Variants in EIF4E3 observed in about 807,000 individuals in gnomAD.
EIF4E3 encodes eukaryotic translation initiation factor 4E family member 3, also known as eukaryotic translation initiation factor 4E type 3.
EIF4E3 carries 26 observed loss-of-function variants against 31.7 expected under a neutral mutation model. That is an observed-to-expected ratio of 0.82 (90% confidence interval 0.60 to 1.14). The LOEUF (loss-of-function observed/expected upper bound fraction) is 1.14, where lower values mean the gene tolerates loss of function less well. EIF4E3 is among the 50% of genes most tolerant of loss of function. The pLI is 0.00. For synonymous variants in EIF4E3, 128 were observed against 107.7 expected, an observed-to-expected ratio of 1.19 and a Z score of -1.17; for missense variants, 304 against 270.9, an observed-to-expected ratio of 1.12 and a Z score of -0.86.
intron 1 of EIF4E3, among the ~76,000 whole-genome samples, chr3:71,749,547 C>T (rs1317714251): frequency 2.0e-5 from 3 of 152,208 alleles, no homozygotes. Flanking sequence ...ACAGGATACA[C>T]TGGCCAGACT....
At chr3:71,736,442 C>A (rs2049764229) in intron 1 of EIF4E3, among the ~76,000 whole-genome samples, 1 of 152,308 alleles carries the variant, frequency 6.6e-6, no homozygotes, top group South Asian at 2.1e-4. Flanking sequence ...AACTATGGTA[C>A]ATCCAGACAA....
upstream of EIF4E3, among the ~76,000 whole-genome samples, chr3:71,726,732 G>A (rs910386531): frequency 1.3e-5 from 2 of 152,166 alleles, no homozygotes; most frequent in Non-Finnish European, 2.9e-5. Context: ...CACATAAAGT[G>A]ACAATAATAA....
upstream of EIF4E3, chr3:71,754,082 C>A: frequency 7.5e-7 from 1 of 1,324,788 alleles, no homozygotes; most frequent in Non-Finnish European, 9.7e-7. This position sits in a 1 kb window ranked among gnomAD's most constrained non-coding sequence, Gnocchi z 5.8. Context: ...GTGGCAGCGG[C>A]GGCGGCGAGG....
chr3:71,751,160 G>A (rs2049925467), intron 1 of EIF4E3, among the ~76,000 whole-genome samples: 1 of 152,120 alleles, frequency 6.6e-6, no homozygotes, highest in Non-Finnish European at 1.5e-5. Flanking sequence ...CTGAGCCTGG[G>A]AGGTTGAGGC....
At chr3:71,733,340 T>G (rs2049727101) in intron 1 of EIF4E3, among the ~76,000 whole-genome samples, 2 of 152,228 alleles carry the variant, frequency 1.3e-5, no homozygotes, top group Non-Finnish European at 2.9e-5. Context: ...GTCATTTGTT[T>G]ACATCTAAGA....
intron 5 of EIF4E3, 62 bp from the exon 6 acceptor site, chr3:71,690,227 T>G: frequency 6.7e-7 from 1 of 1,482,688 alleles, no homozygotes; most frequent in Non-Finnish European, 9.0e-7. Context: ...TGACTGTTTC[T>G]AAGAACTTAG....
At chr3:71,689,874 A>T (rs1578335665) in intron 6 of EIF4E3, 136 bp downstream of exon 6, 8 of 829,360 alleles carry the variant, frequency 9.6e-6, no homozygotes, top group East Asian at 3.3e-5. Context: ...AAAAACTTAA[A>T]TGTATTTTGT....
chr3:71,693,612 A>C lies in EIF4E3; in HGVS notation c.472+263T>G, dbSNP rs372007548. Among the ~76,000 whole-genome samples the C allele has an allele frequency of 3.5e-4, 54 of 152,330 alleles. 1 individual carries two copies. Among genetic ancestry groups the C allele is most frequent in the African/African-American group, 1.2e-3 (50 of 41,556 alleles). ...AGATGGTTATAGATACTATTAAATT[A>C]AGCTAAGAGGGAAAAATATACATGA... On this transcript the variant is annotated intron_variant, in intron 5 of 6. Transcript: ENST00000425534.
rs2049619928 is a variant in EIF4E3 at position 71,725,364 on chromosome 3, C to A, written c.4G>T (p.Ala2Ser). M[A>S]LPPAAAPPAG... ...GGGGGCGCGGCGGCCGGGGGCAGCG[C>A]CATTTTCTCCGCCCCGCCTGCAAGG... Residue 2 changes from alanine to serine, a missense_variant, in exon 1 of 7, where the codon GCG (alanine) becomes TCG (serine). Ala to Ser is a moderately conservative substitution (Grantham distance 99). Transcript: ENST00000425534. This position sits in a 1 kb window ranked among gnomAD's most constrained non-coding sequence, Gnocchi z 6.1. 1.0e-6 allele frequency: 1 copy of A among 977,670 alleles called. No homozygotes were observed. The highest frequency in any genetic ancestry group is 1.2e-6 in the Non-Finnish European group (1 of 825,984). The allele number at this position is 977,670 out of a possible 1,614,324, so 60.6% of individuals were successfully genotyped here.
intron 1 of EIF4E3, among the ~76,000 whole-genome samples, chr3:71,723,937 G>C (rs1163195591): frequency 6.6e-6 from 1 of 151,914 alleles, no homozygotes; most frequent in Non-Finnish European, 1.5e-5. Context: ...TCTTATAGAC[G>C]GGTGCTATAA....
chr3:71,754,448 C>A, upstream of EIF4E3: 1 of 1,341,162 alleles, frequency 7.5e-7, no homozygotes, highest in South Asian at 1.8e-5. This position sits in a 1 kb window ranked among gnomAD's most constrained non-coding sequence, Gnocchi z 5.8. Context: ...ATGCAGAGCG[C>A]CTGGCCGGCT....
chr3:71,711,958 G>A (rs1012474928), intron 1 of EIF4E3, among the ~76,000 whole-genome samples: 13 of 152,106 alleles, frequency 8.5e-5, no homozygotes, highest in African/African-American at 2.9e-4. Flanking sequence ...ACTCCAGCCC[G>A]GGTGACAGAG....
intron 1 of EIF4E3, among the ~76,000 whole-genome samples, chr3:71,750,359 A>G (rs1357138677): frequency 6.6e-6 from 1 of 152,228 alleles, no homozygotes; most frequent in Non-Finnish European, 1.5e-5. Context: ...ATGAAGATTT[A>G]AAGTGGAAGG....
intron 4 of EIF4E3, among the ~76,000 whole-genome samples, chr3:71,694,859 G>T (rs2049113216): frequency 6.6e-6 from 1 of 152,060 alleles, no homozygotes; most frequent in Non-Finnish European, 1.5e-5. Context: ...GTGCACAAAG[G>T]GCTTAGTACA....
chr3:71,674,516 A>T (rs761986758), downstream of EIF4E3, among the ~76,000 whole-genome samples: 3 of 152,222 alleles, frequency 2.0e-5, no homozygotes, highest in Non-Finnish European at 4.4e-5. Flanking sequence ...AGTCAAGTGC[A>T]CAGAACTCAA....
chr3:71,752,342 C>T (rs1279425548), intron 1 of EIF4E3, among the ~76,000 whole-genome samples: 1 of 152,184 alleles, frequency 6.6e-6, no homozygotes, highest in East Asian at 1.9e-4. Context: ...CTCCTCAACA[C>T]TGCTGCCAGA....
At chr3:71,690,463 C>T (rs765147324) in intron 5 of EIF4E3, among the ~76,000 whole-genome samples, 3 of 152,182 alleles carry the variant, frequency 2.0e-5, no homozygotes, top group Non-Finnish European at 4.4e-5. Context: ...AGCTTTGTGA[C>T]TATTTCTTAC....
the EIF4E3 span, among the ~76,000 whole-genome samples, chr3:71,670,096 T>A: frequency 1.3e-5 from 2 of 152,242 alleles, no homozygotes; most frequent in South Asian, 2.1e-4. Context: ...GCGGGACTAG[T>A]GACTTACTTA....
chr3:71,698,111 C>T (rs775359503), intron 3 of EIF4E3, among the ~76,000 whole-genome samples: 19 of 152,124 alleles, frequency 1.2e-4, no homozygotes, highest in African/African-American at 3.9e-4. Context: ...GCCATTTTAA[C>T]GGGGGTAAGA....
Sources: allele counts gnomAD v4.1 joint callset (sites outside exome capture counted in the v4.1 genomes callset), GRCh38; gene constraint gnomAD v4.1.1; non-coding constraint Gnocchi (gnomAD v3.1); transcripts MANE v1.5; gene names NCBI Gene and HGNC (gene_info 2026-07-23, HGNC 2026-07-21).